PCDHA1: variants seen among roughly 807,000 people sequenced by gnomAD.
PCDHA1 encodes the protein protocadherin alpha-1.
Under a neutral mutation model 61.3 loss-of-function variants are expected in PCDHA1, and 42 were observed. The observed-to-expected ratio is 0.69, with a 90% confidence interval of 0.54 to 0.89. PCDHA1 has a LOEUF of 0.89. PCDHA1 is among the 40% of genes least tolerant of loss of function. The pLI, the probability that PCDHA1 is intolerant of heterozygous loss-of-function variation, is 0.00. For missense variants in PCDHA1, 1,256 were observed against 1,235.3 expected (o/e 1.02, Z -0.25); for synonymous variants, 610 against 553.8 (o/e 1.10, Z -1.43).
chr5:140,967,074 A>C (rs1554229140), intron 1 of PCDHA1: 1 of 1,613,138 alleles, frequency 6.2e-7, no homozygotes. Flanking sequence ...TTCGTCAACG[A>C]GCGCATTGAT....
intron 1 of PCDHA1, chr5:140,821,658 G>A: frequency 8.6e-7 from 1 of 1,163,106 alleles, no homozygotes; most frequent in Non-Finnish European, 1.2e-6. Context: ...ATTTTTGGCT[G>A]TGCCAAGAAG....
In PCDHA1 at chr5:140,855,922, T is replaced by C. The variant is rs2043674213; in HGVS notation, c.2394+67238T>C. ...AGCCAGTTTCTCAAGGACTAGGAAG[T>C]AGCGTCATTCTGAGATCTCAGCCAT... On this transcript the variant is annotated intron_variant, in intron 1 of 3. Transcript: ENST00000504120. The C allele has an allele frequency of 3.3e-6, 4 of 1,227,726 alleles. No homozygotes were observed. In the Admixed American group the frequency reaches 1.0e-4, roughly 31 times the overall value. The allele number at this position is 1,227,726 out of a possible 1,614,324, so 76.1% of individuals were successfully genotyped here.
intron 1 of PCDHA1, chr5:140,867,337 G>A (rs1299796408): frequency 6.6e-6 from 1 of 152,004 alleles, no homozygotes; most frequent in African/African-American, 2.4e-5. Flanking sequence ...GTTTTGATTA[G>A]AGGCTACTAT....
chr5:140,809,464 C>A, intron 1 of PCDHA1: 1 of 1,614,248 alleles, frequency 6.2e-7, no homozygotes, highest in Non-Finnish European at 8.5e-7. Flanking sequence ...CGAGGGTGTG[C>A]TCTGGTGAGG....
At chr5:140,877,153 A>C in intron 1 of PCDHA1, 1 of 1,613,798 alleles carries the variant, frequency 6.2e-7, no homozygotes, top group Non-Finnish European at 8.5e-7. Flanking sequence ...CGAGAACGAC[A>C]ACGCGCCGGC....
chr5:140,836,726 C>T (rs1326875671), intron 1 of PCDHA1: 9 of 1,610,652 alleles, frequency 5.6e-6, no homozygotes, highest in African/African-American at 2.7e-5. Flanking sequence ...AGGGTCCATC[C>T]TCTACAGACA....
chr5:141,009,905 G>A lies in PCDHA1; in HGVS notation c.2821G>A (p.Gly941Arg), dbSNP rs781954349. The change falls in exon 4 of 4, where the codon GGG becomes AGG. Residue 941 changes from glycine (G) to arginine (R), a missense_variant. Physicochemically the swap from Gly to Arg is moderately radical, Grantham distance 125. Coordinates refer to ENST00000504120, the MANE Select transcript of PCDHA1 (RefSeq NM_018900.4). ...GNKTQEKKEK[G>R]NSTTDNSDQ Reference sequence around the variant, plus strand: ...CAAGACCCAGGAGAAAAAAGAGAAAGGGAACAGCACGACTGACAACAGTGA... The same window carrying A: ...CAAGACCCAGGAGAAAAAAGAGAAAAGGAACAGCACGACTGACAACAGTGA... 7.4e-6 allele frequency: 12 copies of A among 1,613,058 alleles called. No homozygotes were observed. Among genetic ancestry groups the A allele is most frequent in the Non-Finnish European group, 1.0e-5 (12 of 1,179,832 alleles).
chr5:140,999,877 G>A (rs1194481133), intron 3 of PCDHA1, among the ~76,000 whole-genome samples: 1 of 152,152 alleles, frequency 6.6e-6, no homozygotes, highest in Admixed American at 6.5e-5. Flanking sequence ...CTGAAAATTA[G>A]CCCAGCTGTA....
At chr5:140,823,176 C>A (rs2150123145) in intron 1 of PCDHA1, 2 of 1,613,936 alleles carry the variant, frequency 1.2e-6, no homozygotes, top group African/African-American at 2.7e-5. Flanking sequence ...AGGAGAACAA[C>A]CCGCCAGGCT....
intron 1 of PCDHA1, chr5:140,788,949 A>G (rs1761504234): frequency 3.3e-6 from 2 of 608,076 alleles, no homozygotes. Context: ...AATAAAAGGT[A>G]ATGTTGGTCA....
At position 140,871,104 on chromosome 5, in the gene PCDHA1, G is replaced by A. The variant is rs377444052; in HGVS notation, c.2394+82420G>A. 1,642 of 1,613,308 alleles carry A rather than the reference G, an allele frequency of 1.0e-3. 2 individuals are homozygous for A. Among genetic ancestry groups the A allele is most frequent in the Non-Finnish European group, 1.0e-3 (1,175 of 1,179,876 alleles). On this transcript the variant is annotated intron_variant, in intron 1 of 3. Coordinates refer to ENST00000504120, the MANE Select transcript of PCDHA1 (RefSeq NM_018900.4). ...CGGCCACGGCCACCGTGCTGGTGTC[G>A]TTGGTGGAGAGCGGACAGGCGCCAA...
Position 140,788,062 on chromosome 5 carries a change from T to A in PCDHA1, c.1772T>A (p.Val591Glu). 2 of 1,613,942 alleles carry A rather than the reference T, an allele frequency of 1.2e-6. No individual in the cohort carries two copies. The highest frequency in any genetic ancestry group is 8.5e-7 in the Non-Finnish European group (1 of 1,179,886). ...VPRLVGAGHV[V>E]AKVRAVDADS... is the part of the protein sequence containing the mutation. The stretch of plus-strand genomic sequence containing the variant: ...CGATTGGTGGGTGCGGGTCATGTGG[T>A]GGCGAAGGTGCGCGCAGTGGACGCC... The change falls in exon 1 of 4, where the codon GTG becomes GAG. Residue 591 changes from valine (V) to glutamate (E), a missense_variant. Coordinates refer to ENST00000504120, the MANE Select transcript of PCDHA1 (RefSeq NM_018900.4).
intron 1 of PCDHA1, among the ~76,000 whole-genome samples, chr5:140,962,849 T>C (rs1434907172): frequency 6.6e-6 from 1 of 152,214 alleles, no homozygotes; most frequent in African/African-American, 2.4e-5. Context: ...ATATAACTTG[T>C]GCTCGGTTTG....
rs115218749 is a variant in PCDHA1, at chr5:140,850,537, G to A, written c.2394+61853G>A. On this transcript the variant is annotated intron_variant, in intron 1 of 3. Transcript: ENST00000504120. ...GGCCAGGCGCCAAAGTCATCGTCGC[G>A]GGCGTCAGTGGGTGCCACGGGCCCC... 5,564 of 1,598,212 alleles carry A rather than the reference G, an allele frequency of 3.5e-3. 468 individuals are homozygous for A. The African/African-American group carries it at 0.059, about 17-fold the overall frequency.
chr5:141,000,367 C>G (rs1158701279), intron 3 of PCDHA1, among the ~76,000 whole-genome samples: 1 of 18,506 alleles, frequency 5.4e-5, no homozygotes, highest in Admixed American at 6.5e-4. Flanking sequence ...CTCTGTCTCT[C>G]TCTCTCTCTC....
At position 140,787,106 on chromosome 5, in the gene PCDHA1, T is replaced by C. The variant is rs782626108; in HGVS notation, c.816T>C (p.Gly272=). Residue 272 remains glycine, a synonymous_variant, in exon 1 of 4, where the codon GGT becomes GGC. Transcript: ENST00000504120. ...TTLNASDADE[G]VNGEVVFSFD... The stretch of plus-strand genomic sequence containing the variant: ...TAAATGCCTCTGATGCTGACGAAGG[T>C]GTAAATGGTGAAGTCGTCTTTTCCT... The C allele has an allele frequency of 5.6e-6, 9 of 1,613,998 alleles. No homozygotes were observed. The African/African-American group carries it at 1.2e-4, about 22-fold the overall frequency.
intron 1 of PCDHA1, among the ~76,000 whole-genome samples, chr5:140,906,808 C>A (rs902394073): frequency 6.6e-6 from 1 of 152,214 alleles, no homozygotes; most frequent in Non-Finnish European, 1.5e-5. Flanking sequence ...CTCTTCCTTA[C>A]CTCCACTGTG....
At chr5:140,870,099 C>T in intron 1 of PCDHA1, 8 of 1,613,912 alleles carry the variant, frequency 5.0e-6, no homozygotes, top group Non-Finnish European at 6.8e-6. Context: ...TGGCAGGTCA[C>T]TGTACAGTCT....
At chr5:140,875,758 T>C (rs1562702075) in intron 1 of PCDHA1, 1 of 1,614,186 alleles carries the variant, frequency 6.2e-7, no homozygotes. Context: ...CGAGAAGCTG[T>C]GCGGGCGGAG....
Sources: allele counts gnomAD v4.1 joint callset (sites outside exome capture counted in the v4.1 genomes callset), GRCh38; gene constraint gnomAD v4.1.1; transcripts MANE v1.5; gene names NCBI Gene and HGNC (gene_info 2026-07-23, HGNC 2026-07-21).